Variants in ZCCHC7 observed in about 807,000 individuals in gnomAD.
ZCCHC7 encodes zinc finger CCHC-type containing 7, also known as zinc finger CCHC domain-containing protein 7.
In ZCCHC7, 35 loss-of-function variants were observed where a neutral mutation model predicts 52.0. That is an observed-to-expected ratio of 0.67 (90% CI 0.51 to 0.89). ZCCHC7 has a LOEUF of 0.89. Ranked by LOEUF, ZCCHC7 falls within the 40% of genes least tolerant of loss-of-function variation. ZCCHC7 has a pLI of 0.00. For synonymous variants in ZCCHC7, 217 were observed against 221.5 expected (o/e 0.98, Z 0.18); for missense variants, 574 against 649.1 (o/e 0.88, Z 1.26).
At chr9:37,122,188 A>G (rs1409050533) in intron 1 of ZCCHC7, among the ~76,000 whole-genome samples, 1 of 152,240 alleles carries the variant, frequency 6.6e-6, no homozygotes, top group African/African-American at 2.4e-5. Flanking sequence ...GTAGACTGTG[A>G]GAGCAGAAGG....
Position 37,274,502 on chromosome 9 carries a change from G to GCTAGC in ZCCHC7, c.611-27683_611-27682insGCCTA, listed in dbSNP as rs559676552. Among the ~76,000 whole-genome samples the GCTAGC allele has an allele frequency of 7.9e-5, 12 of 151,856 alleles. No homozygotes were observed. The South Asian group carries it at 2.5e-3, about 32-fold the overall frequency. On this transcript the variant is annotated intron_variant, in intron 2 of 8. Coordinates refer to ENST00000336755, the MANE Select transcript of ZCCHC7 (RefSeq NM_032226.3). ...TCACAGGTGCGTGCCACCATGCCCG[G>GCTAGC]CTAATTTTTGTAATTTAGTAGAGAT...
chr9:37,229,355 A>G (rs1825286871), intron 2 of ZCCHC7, among the ~76,000 whole-genome samples: 1 of 152,234 alleles, frequency 6.6e-6, no homozygotes, highest in Admixed American at 6.5e-5. Context: ...ACAGGGATAC[A>G]TTCCAAGAAA....
chr9:37,334,612 G>T (rs1352512), intron 6 of ZCCHC7, among the ~76,000 whole-genome samples: 30,512 of 151,798 alleles, frequency 0.2, 3,327 homozygotes, highest in Non-Finnish European at 0.25. Context: ...TCAGATTTTA[G>T]ACTTAAAATT....
chr9:37,347,146 C>T (rs1303200573), intron 6 of ZCCHC7, among the ~76,000 whole-genome samples: 1 of 152,176 alleles, frequency 6.6e-6, no homozygotes, highest in Non-Finnish European at 1.5e-5. Context: ...GTTTTTCTCC[C>T]CCTGTTTACA....
intron 6 of ZCCHC7, among the ~76,000 whole-genome samples, chr9:37,347,906 A>T (rs558662902): frequency 6.6e-6 from 1 of 152,190 alleles, no homozygotes; most frequent in Non-Finnish European, 1.5e-5. Context: ...AAACAACTCT[A>T]AAGTCTGTTA....
intron 2 of ZCCHC7, among the ~76,000 whole-genome samples, chr9:37,174,199 C>T (rs1474043801): frequency 6.6e-6 from 1 of 151,956 alleles, no homozygotes; most frequent in East Asian, 1.9e-4. Flanking sequence ...ATCTCAGCTC[C>T]TTGGGAGGCT....
At chr9:37,351,771 C>G (rs557205551) in intron 7 of ZCCHC7, among the ~76,000 whole-genome samples, 94 of 152,288 alleles carry the variant, frequency 6.2e-4, no homozygotes, top group African/African-American at 2.2e-3. Flanking sequence ...GCTTGCTTAC[C>G]TCTGTAAAGC....
intron 2 of ZCCHC7, among the ~76,000 whole-genome samples, chr9:37,267,316 T>C (rs978844894): frequency 1.3e-5 from 2 of 152,190 alleles, no homozygotes; most frequent in African/African-American, 4.8e-5. Flanking sequence ...TATTTAGCAT[T>C]CCCTCTTGCT....
At chr9:37,253,250 T>C (rs1826416582) in intron 2 of ZCCHC7, among the ~76,000 whole-genome samples, 1 of 152,054 alleles carries the variant, frequency 6.6e-6, no homozygotes, top group Admixed American at 6.5e-5. Context: ...TTTATCATCA[T>C]AGTTTTTTTT....
chr9:37,125,364 C>T (rs1014110426), intron 1 of ZCCHC7, among the ~76,000 whole-genome samples: 1 of 151,924 alleles, frequency 6.6e-6, no homozygotes, highest in Non-Finnish European at 1.5e-5. Context: ...TACTGTGTTG[C>T]CCAGGCTGTT....
chr9:37,131,430 G>T (rs530540177), intron 2 of ZCCHC7, among the ~76,000 whole-genome samples: 1 of 151,008 alleles, frequency 6.6e-6, no homozygotes, highest in Non-Finnish European at 1.5e-5. Flanking sequence ...TGGATCACTT[G>T]AGGTCAGGAG....
chr9:37,125,170 G>A (rs958769978), intron 1 of ZCCHC7, among the ~76,000 whole-genome samples: 1 of 151,466 alleles, frequency 6.6e-6, no homozygotes, highest in African/African-American at 2.4e-5. Flanking sequence ...TTATTTTTGA[G>A]TTGGGTTCTT....
At chr9:37,320,160 C>T (rs937211705) in intron 5 of ZCCHC7, among the ~76,000 whole-genome samples, 2 of 152,146 alleles carry the variant, frequency 1.3e-5, no homozygotes, top group African/African-American at 4.8e-5. Context: ...TCACTGCAAC[C>T]TCCGTCTCCT....
At chr9:37,253,184 A>G (rs924602505) in intron 2 of ZCCHC7, among the ~76,000 whole-genome samples, 1 of 152,092 alleles carries the variant, frequency 6.6e-6, no homozygotes, top group Non-Finnish European at 1.5e-5. Context: ...TAAAAAATCA[A>G]CACAATGTGA....
At chr9:37,150,889 A>G (rs190503231) in intron 2 of ZCCHC7, among the ~76,000 whole-genome samples, 5 of 152,052 alleles carry the variant, frequency 3.3e-5, no homozygotes, top group African/African-American at 1.2e-4. Flanking sequence ...AGTTTTTCTG[A>G]GCAGGTGTTT....
Position 37,356,965 on chromosome 9 carries a change from TAAAG to T in ZCCHC7, c.1333_1336del (p.Glu445HisfsTer5), listed in dbSNP as rs749230913. The T allele has an allele frequency of 3.4e-5, 55 of 1,612,238 alleles. No individual in the cohort carries two copies. In the East Asian group the frequency reaches 1.1e-3, roughly 33 times the overall value. Reference sequence around the variant, plus strand: ...AAAGCAACAGGTGGCCTCAAGAAAATAAAGAAACACAAAAAGAAATGAAGAACAA... The same window carrying T: ...AAAGCAACAGGTGGCCTCAAGAAAATAAACACAAAAAGAAATGAAGAACAA... On this transcript the variant is annotated frameshift_variant, in exon 9 of 9. Transcript: ENST00000336755. LOFTEE classifies it low-confidence loss of function (END_TRUNC).
At chr9:37,145,861 G>A (rs1177435927) in intron 2 of ZCCHC7, among the ~76,000 whole-genome samples, 7 of 151,840 alleles carry the variant, frequency 4.6e-5, no homozygotes, top group Non-Finnish European at 1.0e-4. Flanking sequence ...TCTGTTAAAA[G>A]CAAGGAATAT....
chr9:37,317,261 G>A (rs1367472955), intron 5 of ZCCHC7, among the ~76,000 whole-genome samples: 2 of 152,194 alleles, frequency 1.3e-5, no homozygotes, highest in African/African-American at 4.8e-5. Flanking sequence ...AATCTCTAAA[G>A]CCTAGAAGAT....
intron 2 of ZCCHC7, among the ~76,000 whole-genome samples, chr9:37,200,437 CA>C (rs1823573961): frequency 6.6e-6 from 1 of 152,208 alleles, no homozygotes; most frequent in Non-Finnish European, 1.5e-5. Context: ...TTACCCATAA[CA>C]AATCTTAAAA....
Sources: allele counts gnomAD v4.1 joint callset (sites outside exome capture counted in the v4.1 genomes callset), GRCh38; gene constraint gnomAD v4.1.1; transcripts MANE v1.5; gene names NCBI Gene and HGNC (gene_info 2026-07-23, HGNC 2026-07-21).